DEFB107B: variants seen among roughly 807,000 people sequenced by gnomAD.
DEFB107B encodes the protein defensin beta 107B.
intron 1 of DEFB107B, among the ~76,000 whole-genome samples, chr8:7,508,364 C>T (rs1811998392): frequency 7.6e-6 from 1 of 131,426 alleles, no homozygotes; most frequent in East Asian, 2.4e-4. Flanking sequence ...CAGGAATAAA[C>T]ATTACTCCTT....
rs1396937672 is a variant in DEFB107B at position 7,503,407 on chromosome 8, G to A, written c.71-5674G>A. Among the ~76,000 whole-genome samples the A allele has an allele frequency of 1.2e-3, 27 of 22,792 alleles. 12 individuals are homozygous for A. Among genetic ancestry groups the A allele is most frequent in the Admixed American group, 2.8e-3 (5 of 1,774 alleles). 15.0% of individuals were successfully genotyped at this position (22,792 alleles called of 152,430 possible). On this transcript the variant is annotated intron_variant, in intron 1 of 1. Transcript: ENST00000355602. ...TTTCCAAGTTAATGGTATGGGTTTC[G>A]GAGGCTCTATAGTGGCCACCCCTAA...
At chr8:7,508,579 G>C (rs1389307167) in intron 1 of DEFB107B, among the ~76,000 whole-genome samples, 1 of 133,392 alleles carries the variant, frequency 7.5e-6, no homozygotes, top group Non-Finnish European at 1.6e-5. Flanking sequence ...AATTGAGAAG[G>C]ACTAGCATCA....
chr8:7,497,563 A>G (rs1811801375), intron 1 of DEFB107B, among the ~76,000 whole-genome samples: 1 of 152,142 alleles, frequency 6.6e-6, no homozygotes, highest in Non-Finnish European at 1.5e-5. Flanking sequence ...CAGTGACTCC[A>G]TGAAAGTCTC....
At chr8:7,507,504 CTT>C (rs1477175001) in intron 1 of DEFB107B, among the ~76,000 whole-genome samples, 4 of 85,974 alleles carry the variant, frequency 4.7e-5, no homozygotes, top group Non-Finnish European at 6.8e-5. Flanking sequence ...TAGAAACTAA[CTT>C]GTTATAATAA....
chr8:7,496,502 G>T (rs573008040), intron 1 of DEFB107B, among the ~76,000 whole-genome samples: 157 of 151,786 alleles, frequency 1.0e-3, no homozygotes, highest in African/African-American at 3.2e-3. Flanking sequence ...GGGTTTCACC[G>T]TGTTAGCCAG....
chr8:7,496,884 A>G (rs1401145652), intron 1 of DEFB107B, among the ~76,000 whole-genome samples: 2 of 103,682 alleles, frequency 1.9e-5, no homozygotes, highest in Non-Finnish European at 3.8e-5. Flanking sequence ...CTTGCTTACT[A>G]TTCTCTTAAG....
chr8:7,508,081 A>ATGTGTGTGTGTG (rs72329447), intron 1 of DEFB107B, among the ~76,000 whole-genome samples: 19 of 43,018 alleles, frequency 4.4e-4, no homozygotes, highest in East Asian at 1.2e-3. Flanking sequence ...ATATATATAT[A>ATGTGTGTGTGTG]TATGTGTGTG....
In DEFB107B at chr8:7,507,262, C is replaced by T. The variant is rs1456961436; in HGVS notation, c.71-1819C>T. Among the ~76,000 whole-genome samples the T allele has an allele frequency of 9.7e-5, 2 of 20,584 alleles. 1 individual carries two copies. Among genetic ancestry groups the T allele is most frequent in the African/African-American group, 1.7e-4 (2 of 11,452 alleles). The allele number at this position is 20,584 out of a possible 152,430, so 13.5% of individuals were successfully genotyped here. On this transcript the variant is annotated intron_variant, in intron 1 of 1. Coordinates refer to ENST00000355602, the MANE Select transcript of DEFB107B (RefSeq NM_001040705.2). ...CAGAAGAATTTTTCTTAGTACATAA[C>T]AAAATGGAGTCTCCTATGTCTACTT...
At chr8:7,503,535 C>A (rs377120904) in intron 1 of DEFB107B, among the ~76,000 whole-genome samples, 209 of 15,494 alleles carry the variant, frequency 0.013, no homozygotes, top group East Asian at 0.032. Context: ...TATATATCCC[C>A]TCTTGGTCAT....
intron 1 of DEFB107B, among the ~76,000 whole-genome samples, chr8:7,496,600 A>T (rs1311458493): frequency 1.0e-4 from 15 of 145,252 alleles, no homozygotes; most frequent in Non-Finnish European, 2.1e-4. Flanking sequence ...GCGCCTGGCC[A>T]GCATATTCTA....
intron 1 of DEFB107B, among the ~76,000 whole-genome samples, chr8:7,507,978 CTA>C (rs1360909560): frequency 7.1e-6 from 1 of 140,692 alleles, no homozygotes; most frequent in East Asian, 2.1e-4. Flanking sequence ...ATACTCTATG[CTA>C]TGTTAGAGTT....
intron 1 of DEFB107B, among the ~76,000 whole-genome samples, chr8:7,496,476 A>C (rs567476675): frequency 1.8e-4 from 27 of 151,900 alleles, no homozygotes; most frequent in Admixed American, 9.8e-4. Flanking sequence ...ATTTTTTTGT[A>C]TTTTTAGTAG....
At chr8:7,496,545 C>CAA in intron 1 of DEFB107B, among the ~76,000 whole-genome samples, 1 of 151,262 alleles carries the variant, frequency 6.6e-6, no homozygotes, top group Admixed American at 6.6e-5. Flanking sequence ...CGTGATCCGC[C>CAA]CTCCTCGGCC....
chr8:7,497,501 C>A (rs1397171508), intron 1 of DEFB107B, among the ~76,000 whole-genome samples: 3 of 151,762 alleles, frequency 2.0e-5, no homozygotes, highest in African/African-American at 4.8e-5. Context: ...TGGAAATAGG[C>A]AAGACTAGAA....
At chr8:7,500,208 TC>T (rs1376405845) in intron 1 of DEFB107B, among the ~76,000 whole-genome samples, 1 of 39,046 alleles carries the variant, frequency 2.6e-5, no homozygotes, top group Non-Finnish European at 5.3e-5. Context: ...TTTGGGAATT[TC>T]CTTGGGGCAA....
intron 1 of DEFB107B, among the ~76,000 whole-genome samples, chr8:7,497,218 T>C (rs1194866769): frequency 5.5e-4 from 83 of 151,716 alleles, no homozygotes; most frequent in African/African-American, 2.0e-3. Flanking sequence ...GCATGGACAT[T>C]GACCTTAATT....
At chr8:7,496,391 C>A (rs1811737242) in intron 1 of DEFB107B, among the ~76,000 whole-genome samples, 1 of 129,160 alleles carries the variant, frequency 7.7e-6, no homozygotes. Flanking sequence ...GCTCTGCCTC[C>A]CAGGTTCATG....
rs1486959029 is a variant in DEFB107B at position 7,498,020 on chromosome 8, C to T, written c.70+2017C>T. On this transcript the variant is annotated intron_variant, in intron 1 of 1. Coordinates refer to ENST00000355602, the MANE Select transcript of DEFB107B (RefSeq NM_001040705.2). ...CCAGCATTCAGCATATGGAGGATCC[C>T]GCCAGCCTCTGAGTTCCCTTAGTAT... 7.4e-4 allele frequency among the ~76,000 whole-genome samples: 14 copies of T among 18,916 alleles called. 6 individuals carry two copies. The highest frequency in any genetic ancestry group is 3.4e-3 in the Admixed American group (5 of 1,488). The allele number at this position is 18,916 out of a possible 152,430, so 12.4% of individuals were successfully genotyped here. A position where few individuals can be genotyped will look rare whatever the true frequency, so the allele number is the denominator to read the frequency against.
chr8:7,496,525 G>T (rs1431738028), intron 1 of DEFB107B, among the ~76,000 whole-genome samples: 5 of 151,718 alleles, frequency 3.3e-5, no homozygotes, highest in African/African-American at 9.7e-5. Context: ...TGGTCTTGAT[G>T]TCCTGACTTC....
Sources: allele counts gnomAD v4.1 joint callset (sites outside exome capture counted in the v4.1 genomes callset), GRCh38; gene constraint gnomAD v4.1.1; transcripts MANE v1.5; gene names NCBI Gene and HGNC (gene_info 2026-07-23, HGNC 2026-07-21).